Variants in GRIK3 observed in about 807,000 individuals in gnomAD.
GRIK3 encodes glutamate ionotropic receptor kainate type subunit 3, also known as glutamate receptor ionotropic, kainate 3.
A neutral mutation model predicts 102.5 loss-of-function variants in GRIK3; 29 were observed. The ratio of observed to expected loss-of-function variants is 0.28; its 90% confidence interval spans 0.21 to 0.39. GRIK3 has a LOEUF of 0.39. Ranked by LOEUF, GRIK3 falls within the 10% of genes least tolerant of loss-of-function variation. The probability of loss-of-function intolerance (pLI) is 1.00; values close to 1 mark genes in which losing one functional copy is unlikely to be tolerated. For missense variants in GRIK3, 908 were observed against 1,252.4 expected (o/e 0.73, Z 4.15); for synonymous variants, 511 against 504.9 (o/e 1.01, Z -0.16).
chr1:36,926,232 C>T (rs1445839419), intron 1 of GRIK3, among the ~76,000 whole-genome samples: 1 of 152,196 alleles, frequency 6.6e-6, no homozygotes, highest in African/African-American at 2.4e-5. Context: ...TAGGCACTCC[C>T]TGAGCAGTGG....
intron 1 of GRIK3, among the ~76,000 whole-genome samples, chr1:36,910,370 T>G (rs1418727505): frequency 2.0e-5 from 3 of 152,242 alleles, no homozygotes; most frequent in Non-Finnish European, 4.4e-5. Flanking sequence ...AACAGCCTCT[T>G]CTCAGGGCCC....
intron 4 of GRIK3, among the ~76,000 whole-genome samples, chr1:36,870,181 C>T (rs1640827690): frequency 6.6e-6 from 1 of 152,180 alleles, no homozygotes; most frequent in Non-Finnish European, 1.5e-5. Flanking sequence ...GCCCTGGACT[C>T]CACTCAGCTG....
At chr1:37,002,670 C>CTTTTTTTTTTTTTTTTT (rs57712253) in intron 1 of GRIK3, among the ~76,000 whole-genome samples, 1 of 135,248 alleles carries the variant, frequency 7.4e-6, no homozygotes, top group Non-Finnish European at 1.6e-5. Context: ...TTCTTTCTTT[C>CTTTTTTTTTTTTTTTTT]TTTTTTTTTT....
At position 36,914,214 on chromosome 1, in the gene GRIK3, ACTCCACTTACTATG is replaced by A. The variant is rs529121021; in HGVS notation, c.116-23132_116-23119del. Among the ~76,000 whole-genome samples the A allele has an allele frequency of 6.4e-4, 97 of 152,090 alleles. 2 individuals carry two copies. In the East Asian group the frequency reaches 7.8e-3, roughly 12 times the overall value. Reference sequence around the variant, plus strand: ...TCTTCTCACCTCAGCTCAGCTTTTGACTCCACTTACTATGCTGCCTGGGGTAGAATGGAGAATGG... The same window carrying A: ...TCTTCTCACCTCAGCTCAGCTTTTGACTGCCTGGGGTAGAATGGAGAATGG... On this transcript the variant is annotated intron_variant, in intron 1 of 15. Transcript: ENST00000373091.
intron 1 of GRIK3, among the ~76,000 whole-genome samples, chr1:36,906,837 C>T (rs947960816): frequency 6.6e-6 from 1 of 152,176 alleles, no homozygotes; most frequent in Non-Finnish European, 1.5e-5. Context: ...TTTGACAGAT[C>T]AGTGGGGTGA....
intron 1 of GRIK3, among the ~76,000 whole-genome samples, chr1:37,032,978 C>G (rs1642844291): frequency 6.6e-6 from 1 of 152,200 alleles, no homozygotes. Context: ...CGCCTGGTGC[C>G]AGGCGCTGGT....
chr1:36,994,106 G>C lies in GRIK3; in HGVS notation c.115+39888C>G, dbSNP rs1019659758. Reference sequence around the variant, plus strand: ...CAGTGCTGGCCCAATGGGCTGCTATGATGACCTCTCTGAGGATTCCACGCA... The same window carrying C: ...CAGTGCTGGCCCAATGGGCTGCTATCATGACCTCTCTGAGGATTCCACGCA... On this transcript the variant is annotated intron_variant, in intron 1 of 15. Transcript: ENST00000373091. Among the ~76,000 whole-genome samples, 3 of 152,216 alleles carry C rather than the reference G, an allele frequency of 2.0e-5. No homozygotes were observed. The South Asian group carries it at 6.2e-4, about 32-fold the overall frequency.
At chr1:37,012,383 C>T (rs1257375553) in intron 1 of GRIK3, among the ~76,000 whole-genome samples, 3 of 152,140 alleles carry the variant, frequency 2.0e-5, no homozygotes, top group Admixed American at 1.3e-4. Flanking sequence ...CTTCATGACA[C>T]CAAAACATTT....
intron 1 of GRIK3, among the ~76,000 whole-genome samples, chr1:36,912,284 C>T (rs1641353661): frequency 6.6e-6 from 1 of 152,126 alleles, no homozygotes; most frequent in Non-Finnish European, 1.5e-5. Flanking sequence ...CTGGCAAAGG[C>T]GCGGATTTGG....
At chr1:36,975,379 C>T (rs972296763) in intron 1 of GRIK3, among the ~76,000 whole-genome samples, 1 of 149,752 alleles carries the variant, frequency 6.7e-6, no homozygotes, top group Non-Finnish European at 1.5e-5. Context: ...ACTGCAACCT[C>T]CACCTCCTGG....
rs1292914634 is a variant in GRIK3 at position 36,800,769 on chromosome 1, T to G, written c.*1082A>C. ...AAAGTTAGTCTGTGTAGTAGGACAC[T>G]AACTCCTTTTTTGAGGAGGGACAAC... On this transcript the variant is annotated 3_prime_UTR_variant, in exon 16 of 16. Coordinates refer to ENST00000373091, the MANE Select transcript of GRIK3 (RefSeq NM_000831.4). 3.9e-5 allele frequency: 6 copies of G among 152,236 alleles called. No homozygotes were observed. Among genetic ancestry groups the G allele is most frequent in the African/African-American group, 1.4e-4 (6 of 41,458 alleles). 9.4% of individuals were successfully genotyped at this position (152,236 alleles called of 1,614,324 possible).
At position 36,797,495 on chromosome 1, in the gene GRIK3, G is replaced by T. The variant is rs1042698074; in HGVS notation, c.*4356C>A. On this transcript the variant is annotated 3_prime_UTR_variant, in exon 16 of 16. Transcript: ENST00000373091. ...GCCCTTCCATGGCAGCCAGCAGCCG[G>T]GCCACTTCCAGATGTGTCCACTTGA... 1 of 152,126 alleles carries T rather than the reference G, an allele frequency of 6.6e-6. No individual in the cohort carries two copies. The highest frequency in any genetic ancestry group is 2.4e-5 in the African/African-American group (1 of 41,400). The allele number at this position is 152,126 out of a possible 1,614,324, so 9.4% of individuals were successfully genotyped here. A position where few individuals can be genotyped will look rare whatever the true frequency, so the allele number is the denominator to read the frequency against.
intron 10 of GRIK3, among the ~76,000 whole-genome samples, chr1:36,838,368 A>G (rs1640406180): frequency 6.6e-6 from 1 of 152,250 alleles, no homozygotes; most frequent in African/African-American, 2.4e-5. Context: ...GGATGTGAGT[A>G]GAAGATTTTT....
intron 1 of GRIK3, among the ~76,000 whole-genome samples, chr1:37,021,127 T>TGA (rs5773568): frequency 0.14 from 20,782 of 145,004 alleles, 1,653 homozygotes; most frequent in East Asian, 0.34. Flanking sequence ...TGTGTGTCTG[T>TGA]GAGAGAGAGA....
chr1:36,838,768 C>A (rs1417374247), intron 10 of GRIK3, among the ~76,000 whole-genome samples: 2 of 152,164 alleles, frequency 1.3e-5, no homozygotes, highest in African/African-American at 2.4e-5. Context: ...TATTGCCAAG[C>A]CTTTGCATGC....
At chr1:36,833,460 C>A (rs1274796980) in intron 10 of GRIK3, among the ~76,000 whole-genome samples, 1 of 152,216 alleles carries the variant, frequency 6.6e-6, no homozygotes, top group Non-Finnish European at 1.5e-5. Context: ...CCTGGGCAAC[C>A]TGGCTGGTCG....
At chr1:36,914,520 C>T (rs1044378357) in intron 1 of GRIK3, among the ~76,000 whole-genome samples, 9 of 152,164 alleles carry the variant, frequency 5.9e-5, no homozygotes, top group African/African-American at 2.2e-4. Context: ...TTACTGGAAA[C>T]ACGCTTCTGG....
chr1:36,814,245 C>T (rs576106548), intron 13 of GRIK3, among the ~76,000 whole-genome samples: 4 of 152,230 alleles, frequency 2.6e-5, no homozygotes, highest in East Asian at 3.9e-4. Flanking sequence ...ATCCAATCAG[C>T]GGCAATGAGC....
At position 36,850,616 on chromosome 1, in the gene GRIK3, C is replaced by T. The variant is rs1382527658; in HGVS notation, c.1213-192G>A. On this transcript the variant is annotated intron_variant, in intron 8 of 15. Transcript: ENST00000373091. This position sits in a 1 kb window ranked among gnomAD's most constrained non-coding sequence, Gnocchi z 4.0. ...ACATCCCTGCAGCTCTCCCTCCTCT[C>T]CTGACGAGGGTCCCAGGGTGTCGAA... 6.6e-6 allele frequency among the ~76,000 whole-genome samples: 1 copy of T among 152,250 alleles called. No individual in the cohort carries two copies. Among genetic ancestry groups the T allele is most frequent in the Non-Finnish European group, 1.5e-5 (1 of 68,044 alleles).
Sources: gnomAD v4.1 joint callset for allele counts (sites outside exome capture counted in the v4.1 genomes callset) on GRCh38, gnomAD v4.1.1 for gene constraint, Gnocchi (gnomAD v3.1) non-coding constraint, MANE v1.5 for transcripts, NCBI Gene and HGNC (gene_info 2026-07-23, HGNC 2026-07-21) for gene names.